The following HTR7 variants were observed in gnomAD, a reference collection of about 807,000 sequenced individuals.
The protein encoded by HTR7 is 5-hydroxytryptamine receptor 7.
HTR7 carries 16 observed loss-of-function variants against 34.0 expected under a neutral mutation model. The observed-to-expected ratio is 0.47, with a 90% confidence interval of 0.32 to 0.71. The LOEUF (loss-of-function observed/expected upper bound fraction) is 0.71, where lower values mean the gene tolerates loss of function less well. HTR7 is among the 30% of genes least tolerant of loss of function. The pLI is 0.04. For synonymous variants in HTR7, 265 were observed against 260.2 expected (o/e 1.02, Z -0.18); for missense variants, 504 against 625.5 (o/e 0.81, Z 2.07).
At chr10:90,829,700 T>C (rs965851467) in intron 1 of HTR7, among the ~76,000 whole-genome samples, 3 of 152,202 alleles carry the variant, frequency 2.0e-5, no homozygotes, top group East Asian at 1.9e-4. Context: ...GCAGATGATA[T>C]GAACTTACAT....
intron 1 of HTR7, among the ~76,000 whole-genome samples, chr10:90,758,964 G>C (rs1589438271): frequency 6.6e-6 from 1 of 151,902 alleles, no homozygotes; most frequent in Non-Finnish European, 1.5e-5. Context: ...GAGGTGGGCA[G>C]ATCACCTGAG....
At chr10:90,856,393 T>C (rs898101590) in intron 1 of HTR7, among the ~76,000 whole-genome samples, 3 of 152,166 alleles carry the variant, frequency 2.0e-5, no homozygotes, top group South Asian at 2.1e-4. Context: ...TAGTTCAATA[T>C]GACACCCAAG....
chr10:90,848,251 G>A (rs1436134545), intron 1 of HTR7, among the ~76,000 whole-genome samples: 1 of 151,938 alleles, frequency 6.6e-6, no homozygotes, highest in African/African-American at 2.4e-5. Flanking sequence ...TAGTAGAGAC[G>A]GAGTTTCTCC....
rs141761123 is a variant in HTR7, at chr10:90,749,871, A to G, written c.540-277T>C. On this transcript the variant is annotated intron_variant, in intron 1 of 3. Coordinates refer to ENST00000336152, the MANE Select transcript of HTR7 (RefSeq NM_019859.4). The surrounding 1 kb of genome is among the most constrained non-coding windows in gnomAD (Gnocchi z 4.2). ...GCCTTATAGTTTTTCACAATCCACGAAGTCAACAAAGTTTAAAAAGCTCTC... is the reference window on the plus strand; with the variant it reads ...GCCTTATAGTTTTTCACAATCCACGGAGTCAACAAAGTTTAAAAAGCTCTC... 2.6e-5 allele frequency among the ~76,000 whole-genome samples: 4 copies of G among 152,316 alleles called. No homozygotes were observed. In the East Asian group the frequency reaches 7.7e-4, roughly 29 times the overall value.
intron 1 of HTR7, among the ~76,000 whole-genome samples, chr10:90,844,870 A>C (rs1181886154): frequency 6.6e-6 from 1 of 151,998 alleles, no homozygotes; most frequent in Non-Finnish European, 1.5e-5. Flanking sequence ...GCATCAATTA[A>C]ATAAGAATCT....
chr10:90,805,746 T>C (rs763903523), intron 1 of HTR7, among the ~76,000 whole-genome samples: 1 of 152,204 alleles, frequency 6.6e-6, no homozygotes, highest in Non-Finnish European at 1.5e-5. Flanking sequence ...TGTCTATATG[T>C]TTCTATGTGG....
At chr10:90,762,241 A>G (rs1044505515) in intron 1 of HTR7, among the ~76,000 whole-genome samples, 1 of 152,228 alleles carries the variant, frequency 6.6e-6, no homozygotes, top group Non-Finnish European at 1.5e-5. Flanking sequence ...ACTAACTTAC[A>G]TTCTCACCAA....
intron 2 of HTR7, chr10:90,744,074 G>A (rs539807731): frequency 6.4e-5 from 24 of 377,136 alleles, no homozygotes; most frequent in East Asian, 1.4e-4. Flanking sequence ...AGAGCAAGGC[G>A]AAAAGGTAAG....
chr10:90,831,239 TACAG>T (rs2120051867), intron 1 of HTR7, among the ~76,000 whole-genome samples: 1 of 152,310 alleles, frequency 6.6e-6, no homozygotes, highest in Admixed American at 6.5e-5. Flanking sequence ...CCGTGAGTGT[TACAG>T]TTCTTAAAGG....
chr10:90,851,791 T>C (rs540513544), intron 1 of HTR7, among the ~76,000 whole-genome samples: 2 of 152,180 alleles, frequency 1.3e-5, no homozygotes, highest in African/African-American at 4.8e-5. Context: ...GATAACTGAA[T>C]CATGGGGGTG....
intron 1 of HTR7, among the ~76,000 whole-genome samples, chr10:90,848,429 G>A (rs763309283): frequency 1.9e-4 from 29 of 151,988 alleles, no homozygotes; most frequent in Non-Finnish European, 3.1e-4. Context: ...ACTTATGTAC[G>A]TCCCTAAAAA....
chr10:90,819,331 CTTTTTAAAAAT>C (rs368666209), intron 1 of HTR7, among the ~76,000 whole-genome samples: 1 of 152,148 alleles, frequency 6.6e-6, no homozygotes, highest in East Asian at 1.9e-4. Flanking sequence ...ACAATAAAAA[CTTTTTAAAAAT>C]ATATATAAAT....
intron 1 of HTR7, among the ~76,000 whole-genome samples, chr10:90,773,344 A>T (rs1845148556): frequency 6.6e-6 from 1 of 152,168 alleles, no homozygotes; most frequent in African/African-American, 2.4e-5. Context: ...GTGGGTACAT[A>T]ATAGGTGTAT....
chr10:90,749,221 G>A lies in HTR7; in HGVS notation c.913C>T (p.Leu305Phe). Residue 305 changes from leucine (L) to phenylalanine (F), a missense_variant, in exon 2 of 4, where the codon CTT (leucine) becomes TTT (phenylalanine). Around this residue, in one of 4 missense-constraint regions of HTR7, gnomAD observed 57 missense variants for 47.5 expected, o/e 1.20. Transcript: ENST00000336152. This position sits in a 1 kb window ranked among gnomAD's most constrained non-coding sequence, Gnocchi z 4.2. ...LQKEVEECAN[L>F]SRLLKHERKN... ...CTTTCATGCTTGAGGAGTCTCGAAAGGTTTGCACACTCTTCCACCTCCTTC... is the reference window on the plus strand; with the variant it reads ...CTTTCATGCTTGAGGAGTCTCGAAAAGTTTGCACACTCTTCCACCTCCTTC... 1 of 1,614,044 alleles carries A rather than the reference G, an allele frequency of 6.2e-7. No homozygotes were observed. The highest frequency in any genetic ancestry group is 8.5e-7 in the Non-Finnish European group (1 of 1,179,990).
rs1844708946 is a variant in HTR7, at chr10:90,749,976, A to T, written c.540-382T>A. 6.6e-6 allele frequency among the ~76,000 whole-genome samples: 1 copy of T among 152,136 alleles called. No individual in the cohort carries two copies. Among genetic ancestry groups the T allele is most frequent in the Non-Finnish European group, 1.5e-5 (1 of 68,004 alleles). ...GTAGGATGTTGTGACACATTCTCAA[A>T]ACTTAACCAAGGTCTACCACACTCT... On this transcript the variant is annotated intron_variant, in intron 1 of 3. Transcript: ENST00000336152. This position sits in a 1 kb window ranked among gnomAD's most constrained non-coding sequence, Gnocchi z 4.2.
At position 90,766,108 on chromosome 10, in the gene HTR7, G is replaced by A. The variant is rs10159878; in HGVS notation, c.540-16514C>T. ...GCTTGGATGATTTATTCATTGTTGA[G>A]AGTAGGATATTTAAGTCCCCTACTA... is the stretch of plus-strand genomic sequence containing the variant. On this transcript the variant is annotated intron_variant, in intron 1 of 3. Transcript: ENST00000336152. 2.7e-3 allele frequency among the ~76,000 whole-genome samples: 409 copies of A among 152,234 alleles called. 1 individual carries two copies. Among genetic ancestry groups the A allele is most frequent in the African/African-American group, 9.7e-3 (402 of 41,542 alleles).
At chr10:90,802,835 T>C (rs1202623853) in intron 1 of HTR7, among the ~76,000 whole-genome samples, 2 of 152,270 alleles carry the variant, frequency 1.3e-5, no homozygotes. Context: ...TTGCCACTTA[T>C]TGATCCTTTT....
intron 1 of HTR7, among the ~76,000 whole-genome samples, chr10:90,843,500 G>A (rs908988420): frequency 2.6e-5 from 4 of 152,328 alleles, no homozygotes; most frequent in African/African-American, 9.6e-5. Context: ...CCTGAAGAGT[G>A]ATAAAAATTA....
intron 1 of HTR7, among the ~76,000 whole-genome samples, chr10:90,831,205 C>A (rs1161601592): frequency 6.6e-6 from 1 of 152,226 alleles, no homozygotes; most frequent in Non-Finnish European, 1.5e-5. Context: ...TCACTGACTT[C>A]AAGAATGAAG....
Sources: gnomAD v4.1 joint callset for allele counts (sites outside exome capture counted in the v4.1 genomes callset) on GRCh38, gnomAD v4.1.1 for gene constraint, gnomAD v4.1.1 regional missense constraint, Gnocchi (gnomAD v3.1) non-coding constraint, MANE v1.5 for transcripts, NCBI Gene and HGNC (gene_info 2026-07-23, HGNC 2026-07-21) for gene names.